Variants in PTPRT observed in about 807,000 individuals in gnomAD.
PTPRT encodes the protein receptor-type tyrosine-protein phosphatase T.
PTPRT carries 56 observed loss-of-function variants against 176.8 expected under a neutral mutation model. That is an observed-to-expected ratio of 0.32 (90% CI 0.26 to 0.40). PTPRT has a LOEUF of 0.40. Among genes scored for constraint, PTPRT ranks in the 10% least tolerant of loss-of-function variants. PTPRT has a pLI of 1.00. For missense variants in PTPRT, 1,540 were observed against 1,908.2 expected, an observed-to-expected ratio of 0.81 and a Z score of 3.60; for synonymous variants, 783 against 739.0, an observed-to-expected ratio of 1.06 and a Z score of -0.96.
intron 1 of PTPRT, among the ~76,000 whole-genome samples, chr20:43,054,416 T>C (rs1987155884): frequency 6.6e-6 from 1 of 152,000 alleles, no homozygotes; most frequent in Non-Finnish European, 1.5e-5. Context: ...TAGCCAGGCA[T>C]GGTGGCATCT....
intron 7 of PTPRT, among the ~76,000 whole-genome samples, chr20:42,658,866 A>G (rs1057257619): frequency 6.6e-6 from 1 of 152,198 alleles, no homozygotes; most frequent in African/African-American, 2.4e-5. Context: ...AGTACATAGA[A>G]AAATATTCAT....
rs188457764 is a variant in PTPRT, at chr20:42,848,163, T to C, written c.214+37644A>G. On this transcript the variant is annotated intron_variant, in intron 2 of 30. Coordinates refer to ENST00000373187, the MANE Select transcript of PTPRT (RefSeq NM_007050.6). ...TAGGTCACTGCAAATGCCATTATTT[T>C]GTTCCTTTTTATGGCTGGGTAATAT... Among the ~76,000 whole-genome samples, 1,151 of 152,342 alleles carry C rather than the reference T, an allele frequency of 7.6e-3. 9 individuals carry two copies. Among genetic ancestry groups the C allele is most frequent in the Non-Finnish European group, 0.011 (750 of 68,020 alleles).
At chr20:42,150,722 A>G (rs1989089009) in intron 17 of PTPRT, among the ~76,000 whole-genome samples, 1 of 152,220 alleles carries the variant, frequency 6.6e-6, no homozygotes, top group Non-Finnish European at 1.5e-5. Context: ...AACGTTTCTG[A>G]AAAGAGTCAG....
At chr20:42,802,063 C>T (rs529275005) in intron 2 of PTPRT, among the ~76,000 whole-genome samples, 1 of 152,334 alleles carries the variant, frequency 6.6e-6, no homozygotes, top group Admixed American at 6.5e-5. Context: ...AACAGCGGTT[C>T]CCAAATCGCA....
chr20:42,831,847 G>T (rs947189478), intron 2 of PTPRT, among the ~76,000 whole-genome samples: 1 of 152,178 alleles, frequency 6.6e-6, no homozygotes. Flanking sequence ...ACACCAGTAA[G>T]AATGGCTATT....
At chr20:42,661,846 C>G (rs1459908995) in intron 7 of PTPRT, among the ~76,000 whole-genome samples, 2 of 152,176 alleles carry the variant, frequency 1.3e-5, no homozygotes, top group Non-Finnish European at 2.9e-5. Flanking sequence ...TTCTCTGCAC[C>G]AAGCCAGGTT....
At chr20:42,444,182 T>G (rs2059342879) in intron 9 of PTPRT, among the ~76,000 whole-genome samples, 2 of 152,228 alleles carry the variant, frequency 1.3e-5, no homozygotes, top group South Asian at 4.1e-4. Context: ...ACTACATTTT[T>G]AAGACTTGCC....
chr20:42,416,546 C>A (rs573387681), intron 9 of PTPRT, among the ~76,000 whole-genome samples: 2 of 152,180 alleles, frequency 1.3e-5, no homozygotes, highest in African/African-American at 4.8e-5. Context: ...GACCGACTGG[C>A]CTTCTATTTG....
chr20:42,704,082 G>A (rs1031740606), intron 6 of PTPRT, among the ~76,000 whole-genome samples: 5 of 151,912 alleles, frequency 3.3e-5, no homozygotes, highest in East Asian at 3.9e-4. Context: ...TGTGCAAATC[G>A]CAAAATACCA....
chr20:43,076,246 A>C (rs959963094), intron 1 of PTPRT, among the ~76,000 whole-genome samples: 1 of 152,068 alleles, frequency 6.6e-6, no homozygotes, highest in Admixed American at 6.5e-5. Context: ...CCAGTTTCTC[A>C]TGATTCCTAG....
chr20:42,490,487 T>C (rs2071543584), intron 7 of PTPRT, among the ~76,000 whole-genome samples: 1 of 152,184 alleles, frequency 6.6e-6, no homozygotes, highest in African/African-American at 2.4e-5. Flanking sequence ...TACAATTGTC[T>C]TAAATTAGAT....
At chr20:42,232,721 C>T (rs1257322323) in intron 15 of PTPRT, among the ~76,000 whole-genome samples, 2 of 150,944 alleles carry the variant, frequency 1.3e-5, no homozygotes, top group Non-Finnish European at 2.9e-5. Context: ...TCAGCCCCTT[C>T]CTTCTGCCCA....
chr20:42,725,097 G>A (rs376700157), intron 6 of PTPRT, among the ~76,000 whole-genome samples: 6 of 150,942 alleles, frequency 4.0e-5, no homozygotes, highest in South Asian at 2.1e-4. Flanking sequence ...GAATGATCTC[G>A]GCTCACTGTA....
At chr20:42,138,529 C>A (rs1988480309) in intron 18 of PTPRT, among the ~76,000 whole-genome samples, 1 of 152,162 alleles carries the variant, frequency 6.6e-6, no homozygotes, top group Non-Finnish European at 1.5e-5. Flanking sequence ...CAGAAGGGGG[C>A]CTCATTTTGT....
At chr20:42,484,776 T>C (rs1315015435) in intron 7 of PTPRT, among the ~76,000 whole-genome samples, 1 of 152,188 alleles carries the variant, frequency 6.6e-6, no homozygotes, top group Non-Finnish European at 1.5e-5. Flanking sequence ...ATCTCCAAAA[T>C]AGACCTTGAC....
intron 9 of PTPRT, among the ~76,000 whole-genome samples, chr20:42,359,336 G>A (rs6102801): frequency 0.48 from 73,496 of 151,982 alleles, 19,152 homozygotes; most frequent in East Asian, 0.84. Flanking sequence ...GAGATGGAGA[G>A]GTGACAACAG....
At chr20:42,085,441 G>T (rs1983790482) in intron 28 of PTPRT, among the ~76,000 whole-genome samples, 1 of 152,188 alleles carries the variant, frequency 6.6e-6, no homozygotes, top group Non-Finnish European at 1.5e-5. Context: ...TGCCAGTACA[G>T]AGACACAGTG....
chr20:42,877,166 AG>A (rs2078946866), intron 2 of PTPRT, among the ~76,000 whole-genome samples: 1 of 139,340 alleles, frequency 7.2e-6, no homozygotes, highest in Admixed American at 7.1e-5. Flanking sequence ...AAAAAAAGGG[AG>A]TTCTGGGAGA....
At chr20:42,285,100 A>G (rs890246840) in intron 12 of PTPRT, among the ~76,000 whole-genome samples, 2 of 152,050 alleles carry the variant, frequency 1.3e-5, no homozygotes. Context: ...TTCTGTTTTC[A>G]TGTTTGGACA....
Sources: gnomAD v4.1 joint callset for allele counts (sites outside exome capture counted in the v4.1 genomes callset) on GRCh38, gnomAD v4.1.1 for gene constraint, MANE v1.5 for transcripts, NCBI Gene and HGNC (gene_info 2026-07-23, HGNC 2026-07-21) for gene names.